Variants in CCDC171 observed in about 807,000 individuals in gnomAD.
CCDC171 encodes the protein coiled-coil domain containing 171.
In CCDC171, 177 loss-of-function variants were observed where a neutral mutation model predicts 168.2. The ratio of observed to expected loss-of-function variants is 1.05; its 90% CI spans 0.93 to 1.19. The LOEUF is 1.19. CCDC171 is among the 50% of genes most tolerant of loss of function. CCDC171 has a pLI of 0.00. For synonymous variants in CCDC171, 687 were observed against 540.8 expected (o/e 1.27, Z -3.75); for missense variants, 1,991 against 1,539.0 (o/e 1.29, Z -4.91).
chr9:16,090,963 C>T, the CCDC171 span, among the ~76,000 whole-genome samples: 7 of 151,976 alleles, frequency 4.6e-5, no homozygotes, highest in East Asian at 1.4e-3. Context: ...TTTTTTCCAC[C>T]CTCTTTCTTC....
At chr9:15,670,699 G>T (rs1210151597) in intron 9 of CCDC171, among the ~76,000 whole-genome samples, 1 of 151,934 alleles carries the variant, frequency 6.6e-6, no homozygotes, top group Non-Finnish European at 1.5e-5. Flanking sequence ...TTTTTCTACA[G>T]TTTAATTTTT....
intron 21 of CCDC171, among the ~76,000 whole-genome samples, chr9:15,787,464 C>A (rs907134199): frequency 2.0e-5 from 3 of 152,102 alleles, no homozygotes; most frequent in African/African-American, 7.2e-5. Context: ...ATCCCAGCTT[C>A]TTCCTCCTCC....
chr9:15,575,613 A>C (rs1014298295), intron 3 of CCDC171, among the ~76,000 whole-genome samples: 1 of 152,170 alleles, frequency 6.6e-6, no homozygotes, highest in Non-Finnish European at 1.5e-5. Context: ...AAATCAGGGA[A>C]TCTGTGAACA....
At chr9:16,078,155 G>A in the CCDC171 span, among the ~76,000 whole-genome samples, 4 of 151,656 alleles carry the variant, frequency 2.6e-5, no homozygotes, top group Admixed American at 6.6e-5. Context: ...CAGTGTATAC[G>A]TATGTCAAAA....
chr9:15,608,944 CAAAAAAAAAAA>C (rs71491669), intron 6 of CCDC171, among the ~76,000 whole-genome samples: 1 of 13,708 alleles, frequency 7.3e-5, no homozygotes, highest in Non-Finnish European at 1.3e-4. Context: ...GACCCTGTCT[CAAAAAAAAAAA>C]AAAAAAAAAA....
At chr9:15,923,628 C>T (rs116607880) in intron 25 of CCDC171, among the ~76,000 whole-genome samples, 1 of 151,104 alleles carries the variant, frequency 6.6e-6, no homozygotes, top group Non-Finnish European at 1.5e-5. Context: ...TTGAAAAGTG[C>T]AAAGAGTGGA....
At chr9:15,943,586 C>G (rs1342698862) in intron 25 of CCDC171, among the ~76,000 whole-genome samples, 2 of 151,920 alleles carry the variant, frequency 1.3e-5, no homozygotes, top group Non-Finnish European at 2.9e-5. Flanking sequence ...AACCTTATAG[C>G]CTTAGCAGCA....
chr9:15,760,348 T>G (rs1156237367), intron 18 of CCDC171, among the ~76,000 whole-genome samples: 8 of 152,130 alleles, frequency 5.3e-5, no homozygotes. Flanking sequence ...CTATTTAGAG[T>G]AAGTTCTGAA....
intron 21 of CCDC171, among the ~76,000 whole-genome samples, chr9:15,799,254 C>G (rs2058706576): frequency 6.8e-6 from 1 of 148,058 alleles, no homozygotes; most frequent in South Asian, 2.1e-4. Flanking sequence ...TTTAACATTT[C>G]TTGTGATACT....
At chr9:16,080,535 C>G in the CCDC171 span, among the ~76,000 whole-genome samples, 3 of 152,178 alleles carry the variant, frequency 2.0e-5, no homozygotes, top group Non-Finnish European at 2.9e-5. Flanking sequence ...CTAACCAAGA[C>G]GAGCACTATT....
Position 15,984,437 on chromosome 9 carries a change from TG to T in CCDC171, n.369-36151del, listed in dbSNP as rs1831916680. Reference sequence around the variant, plus strand: ...GTGTGTGTACATATATATGTGTGTGTGTATATATATATATATGTTTATATGT... The same window carrying T: ...GTGTGTGTACATATATATGTGTGTGTTATATATATATATATGTTTATATGT... On this transcript the variant is annotated intron_variant and non_coding_transcript_variant, in intron 3 of 9. Transcript: ENST00000486641. 7.3e-5 allele frequency among the ~76,000 whole-genome samples: 8 copies of T among 109,760 alleles called. No individual in the cohort carries two copies. In the South Asian group the frequency reaches 2.4e-3, roughly 33 times the overall value. 72.0% of individuals were successfully genotyped at this position (109,760 alleles called of 152,430 possible). A position where few individuals can be genotyped will look rare whatever the true frequency, so the allele number is the denominator to read the frequency against.
At chr9:15,702,423 C>T (rs990464599) in intron 11 of CCDC171, among the ~76,000 whole-genome samples, 1 of 151,904 alleles carries the variant, frequency 6.6e-6, no homozygotes, top group Non-Finnish European at 1.5e-5. Context: ...TCTATATCTA[C>T]TCTCCCTCTG....
rs1269925357 is a variant in CCDC171 at position 15,818,862 on chromosome 9, G to A, written c.3268-27840G>A. On this transcript the variant is annotated intron_variant, in intron 21 of 25. Transcript: ENST00000380701. ...AGAGAACGCCACAAAAATACTCCTC[G>A]AGAAGAGCAACTCTGAGACACATAA... Among the ~76,000 whole-genome samples, 5 of 116,394 alleles carry A rather than the reference G, an allele frequency of 4.3e-5. 2 individuals carry two copies. The highest frequency in any genetic ancestry group is 4.1e-4 in the Admixed American group (5 of 12,206). 76.4% of individuals were successfully genotyped at this position (116,394 alleles called of 152,430 possible).
chr9:15,950,088 A>G (rs886088458), intron 25 of CCDC171, among the ~76,000 whole-genome samples: 1 of 152,198 alleles, frequency 6.6e-6, no homozygotes, highest in Non-Finnish European at 1.5e-5. Context: ...AAGAATAAAA[A>G]GAAATGAGCA....
chr9:15,956,784 A>G (rs1829839017), intron 25 of CCDC171, among the ~76,000 whole-genome samples: 1 of 152,182 alleles, frequency 6.6e-6, no homozygotes, highest in South Asian at 2.1e-4. Flanking sequence ...CCATAAGTGC[A>G]TGTTTATGAG....
At chr9:15,822,332 G>T (rs36158141) in intron 21 of CCDC171, among the ~76,000 whole-genome samples, 68,479 of 149,852 alleles carry the variant, frequency 0.46, 16,027 homozygotes, top group African/African-American at 0.53. Flanking sequence ...AATTGACAAA[G>T]GGGATCTAAT....
intron 3 of CCDC171, among the ~76,000 whole-genome samples, chr9:16,009,516 T>G (rs2987097): frequency 0.89 from 135,852 of 152,176 alleles, 60,826 homozygotes; most frequent in Admixed American, 0.92. Flanking sequence ...GAAAATATGT[T>G]CTTATCTTGG....
At chr9:15,600,931 G>A (rs544288341) in intron 6 of CCDC171, among the ~76,000 whole-genome samples, 15 of 152,166 alleles carry the variant, frequency 9.9e-5, no homozygotes, top group South Asian at 2.1e-4. Context: ...AGGACCCTCC[G>A]AGCCAAGCGC....
At chr9:15,616,602 T>A (rs953609825) in intron 6 of CCDC171, among the ~76,000 whole-genome samples, 7 of 152,180 alleles carry the variant, frequency 4.6e-5, no homozygotes, top group Non-Finnish European at 8.8e-5. Context: ...TAGACAAGTA[T>A]GTAAGTCAAT....
Sources: allele counts gnomAD v4.1 joint callset (sites outside exome capture counted in the v4.1 genomes callset), GRCh38; gene constraint gnomAD v4.1.1; transcripts MANE v1.5; gene names NCBI Gene and HGNC (gene_info 2026-07-23, HGNC 2026-07-21).